Variants in BCAP29 observed in about 807,000 individuals in gnomAD.
The protein encoded by BCAP29 is B cell receptor associated protein 29.
A neutral mutation model predicts 31.8 loss-of-function variants in BCAP29; 34 were observed. The observed-to-expected ratio is 1.07, with a 90% CI of 0.81 to 1.42. BCAP29 has a LOEUF of 1.42. BCAP29 is among the 40% of genes most tolerant of loss of function. BCAP29 has a pLI of 0.00. For missense variants in BCAP29, 314 were observed against 269.2 expected, an observed-to-expected ratio of 1.17 and a Z score of -1.16; for synonymous variants, 104 against 91.3, an observed-to-expected ratio of 1.14 and a Z score of -0.79.
At chr7:107,609,743 A>C (rs1281829322) in intron 6 of BCAP29, among the ~76,000 whole-genome samples, 1 of 152,226 alleles carries the variant, frequency 6.6e-6, no homozygotes, top group African/African-American at 2.4e-5. Flanking sequence ...ATAAGTGATC[A>C]TTGGCAAAGG....
rs1814719405 is a variant in BCAP29, at chr7:107,619,481, TC to T, written c.*1120del. The stretch of plus-strand genomic sequence containing the variant: ...TTTTATTTCTCTTGTCTTTGTTACA[TC>T]CTCTGTTTATTATAATTTTAGCACC... On this transcript the variant is annotated 3_prime_UTR_variant, in exon 8 of 8. Transcript: ENST00000005259. 6.6e-6 allele frequency: 1 copy of T among 152,162 alleles called. No homozygotes were observed. The highest frequency in any genetic ancestry group is 6.5e-5 in the Admixed American group (1 of 15,288). 9.4% of individuals were successfully genotyped at this position (152,162 alleles called of 1,614,324 possible). A position where few individuals can be genotyped will look rare whatever the true frequency, so the allele number is the denominator to read the frequency against.
Position 107,591,656 on chromosome 7 carries a change from A to ACACACACACACACACACACACC in BCAP29, c.194-2298_194-2297insACACACACACACACACACACCC. ...CATACACACATACACACACACACACACCCTATTGGTTCTTTTTCCCTGGAG... is the reference window on the plus strand; with the variant it reads ...CATACACACATACACACACACACACACACACACACACACACACACACCCCCTATTGGTTCTTTTTCCCTGGAG... On this transcript the variant is annotated intron_variant, in intron 3 of 7. Coordinates refer to ENST00000005259, the MANE Select transcript of BCAP29 (RefSeq NM_018844.4). Among the ~76,000 whole-genome samples the ACACACACACACACACACACACC allele has an allele frequency of 1.1e-3, 154 of 136,110 alleles. 3 individuals carry two copies. Among genetic ancestry groups the ACACACACACACACACACACACC allele is most frequent in the East Asian group, 6.1e-3 (28 of 4,586 alleles). 89.3% of individuals were successfully genotyped at this position (136,110 alleles called of 152,430 possible).
At chr7:107,580,671 T>A (rs2129204080) in intron 1 of BCAP29, 88 bp from the exon 2 acceptor site, 1 of 842,922 alleles carries the variant, frequency 1.2e-6, no homozygotes. Flanking sequence ...ACACTGTCCA[T>A]CCCCTGGACA....
chr7:107,584,534 C>G (rs1014587913), intron 3 of BCAP29, among the ~76,000 whole-genome samples: 3 of 152,050 alleles, frequency 2.0e-5, no homozygotes, highest in Non-Finnish European at 4.4e-5. Context: ...CATAGCAAAA[C>G]CTTATCTTTA....
chr7:107,584,702 AAAAC>A (rs1416883858), intron 3 of BCAP29, among the ~76,000 whole-genome samples: 27 of 152,282 alleles, frequency 1.8e-4, no homozygotes, highest in Non-Finnish European at 2.5e-4. Flanking sequence ...CTTCCTTAAA[AAAAC>A]AAACAAACAA....
Position 107,591,853 on chromosome 7 carries a change from T to C in BCAP29, c.194-2102T>C, listed in dbSNP as rs181566988. On this transcript the variant is annotated intron_variant, in intron 3 of 7. Transcript: ENST00000005259. Reference sequence around the variant, plus strand: ...CTGAGGCCTGGCAGAACCAATCAAGTCTGACTTCTGGTTTTCTAAAAATAC... The same window carrying C: ...CTGAGGCCTGGCAGAACCAATCAAGCCTGACTTCTGGTTTTCTAAAAATAC... 1.9e-3 allele frequency among the ~76,000 whole-genome samples: 286 copies of C among 152,284 alleles called. 2 individuals carry two copies. The highest frequency in any genetic ancestry group is 6.7e-3 in the African/African-American group (278 of 41,550).
intron 3 of BCAP29, among the ~76,000 whole-genome samples, chr7:107,586,791 G>A (rs566061124): frequency 1.9e-4 from 28 of 147,612 alleles, no homozygotes; most frequent in African/African-American, 2.5e-4. Context: ...GCAGTGGTGC[G>A]ATCTCAGCTC....
At chr7:107,616,601 A>G (rs1414116025) in intron 7 of BCAP29, among the ~76,000 whole-genome samples, 1 of 152,192 alleles carries the variant, frequency 6.6e-6, no homozygotes, top group Non-Finnish European at 1.5e-5. Flanking sequence ...CACTTTATAT[A>G]TTTATAATCA....
intron 3 of BCAP29, among the ~76,000 whole-genome samples, chr7:107,593,057 T>C (rs1019359293): frequency 6.6e-6 from 1 of 152,238 alleles, no homozygotes; most frequent in Non-Finnish European, 1.5e-5. Context: ...ATTTTTATGG[T>C]ATGTGAATTA....
intron 5 of BCAP29, among the ~76,000 whole-genome samples, chr7:107,598,931 ACG>A (rs1248959872): frequency 3.5e-4 from 48 of 139,128 alleles, no homozygotes; most frequent in African/African-American, 1.0e-3. Context: ...ACACACACAC[ACG>A]CACGCACATA....
intron 6 of BCAP29, among the ~76,000 whole-genome samples, chr7:107,609,584 G>A (rs1314574231): frequency 1.3e-5 from 2 of 152,132 alleles, no homozygotes; most frequent in African/African-American, 2.4e-5. Context: ...TGAATAAAAC[G>A]TAAATCTTTA....
intron 7 of BCAP29, chr7:107,613,688 G>A: frequency 4.4e-6 from 7 of 1,605,494 alleles, no homozygotes; most frequent in Non-Finnish European, 5.9e-6. Flanking sequence ...AGCAAAAGAA[G>A]CCACAAAAAT....
chr7:107,601,314 A>G (rs751079823), intron 6 of BCAP29, among the ~76,000 whole-genome samples: 26 of 152,188 alleles, frequency 1.7e-4, no homozygotes, highest in Admixed American at 3.3e-4. Context: ...GTGTTAAGGT[A>G]CGTTGTTTGG....
rs540835255 is a variant in BCAP29 at position 107,584,122 on chromosome 7, A to G, written c.193+140A>G. 8.4e-4 allele frequency: 369 copies of G among 441,684 alleles called. 2 individuals carry two copies. Among genetic ancestry groups the G allele is most frequent in the African/African-American group, 7.0e-3 (344 of 49,054 alleles). 27.4% of individuals were successfully genotyped at this position (441,684 alleles called of 1,614,324 possible). A position where few individuals can be genotyped will look rare whatever the true frequency, so the allele number is the denominator to read the frequency against. Reference sequence around the variant, plus strand: ...TAGTACATAGAGTGGATACTGATCTATTGATACACAGTTGATAGATACTAC... The same window carrying G: ...TAGTACATAGAGTGGATACTGATCTGTTGATACACAGTTGATAGATACTAC... On this transcript the variant is annotated intron_variant, in intron 3 of 7. Coordinates refer to ENST00000005259, the MANE Select transcript of BCAP29 (RefSeq NM_018844.4).
intron 6 of BCAP29, among the ~76,000 whole-genome samples, chr7:107,600,713 G>A (rs1811020820): frequency 6.6e-6 from 1 of 152,204 alleles, no homozygotes; most frequent in African/African-American, 2.4e-5. Flanking sequence ...AAACATGTAG[G>A]TGTTTCAGAT....
chr7:107,611,307 C>T (rs1471722763), intron 6 of BCAP29, among the ~76,000 whole-genome samples: 1 of 152,164 alleles, frequency 6.6e-6, no homozygotes, highest in Non-Finnish European at 1.5e-5. Flanking sequence ...TGGCTCACAA[C>T]TGTAATCCCA....
chr7:107,614,584 A>G (rs1813791315), intron 7 of BCAP29, among the ~76,000 whole-genome samples: 1 of 152,370 alleles, frequency 6.6e-6, no homozygotes, highest in African/African-American at 2.4e-5. Context: ...TTGCTGAAAG[A>G]ATGACTTATT....
intron 3 of BCAP29, among the ~76,000 whole-genome samples, chr7:107,591,100 A>G (rs1484188736): frequency 6.6e-6 from 1 of 151,890 alleles, no homozygotes; most frequent in Non-Finnish European, 1.5e-5. Context: ...AGAAAACTAC[A>G]AAAACATTGC....
At chr7:107,597,689 A>G (rs1810114195) in intron 5 of BCAP29, among the ~76,000 whole-genome samples, 4 of 152,190 alleles carry the variant, frequency 2.6e-5, no homozygotes, top group Admixed American at 2.6e-4. Context: ...CATTCAACTA[A>G]TATGTGACAG....
Sources: allele counts gnomAD v4.1 joint callset (sites outside exome capture counted in the v4.1 genomes callset), GRCh38; gene constraint gnomAD v4.1.1; transcripts MANE v1.5; gene names NCBI Gene and HGNC (gene_info 2026-07-23, HGNC 2026-07-21).